Variants in ZNF804A observed in about 807,000 individuals in gnomAD.
The protein encoded by ZNF804A is zinc finger protein 804A.
In ZNF804A, 2 loss-of-function variants were observed where a neutral mutation model predicts 16.5. The ratio of observed to expected loss-of-function variants is 0.12; its 90% CI spans 0.05 to 0.38. The LOEUF is 0.38. ZNF804A is among the 10% of genes least tolerant of loss of function. The pLI, the probability that ZNF804A is intolerant of heterozygous loss-of-function variation, is 0.99. For synonymous variants in ZNF804A, 534 were observed against 489.6 expected (o/e 1.09, Z -1.20); for missense variants, 1,473 against 1,390.7 (o/e 1.06, Z -0.94).
At chr2:184,909,030 GAAATT>G (rs1156640805) in intron 2 of ZNF804A, among the ~76,000 whole-genome samples, 1 of 152,050 alleles carries the variant, frequency 6.6e-6, no homozygotes, top group Non-Finnish European at 1.5e-5. Flanking sequence ...TTCATAAGTT[GAAATT>G]TGTGTACAAT....
chr2:184,836,699 T>C (rs141701360), intron 1 of ZNF804A, among the ~76,000 whole-genome samples: 1 of 124,396 alleles, frequency 8.0e-6, no homozygotes, highest in Non-Finnish European at 1.9e-5. Flanking sequence ...ATATATATAT[T>C]TTTTTTTTAT....
chr2:184,644,091 T>A (rs989287257), intron 1 of ZNF804A, among the ~76,000 whole-genome samples: 23 of 151,682 alleles, frequency 1.5e-4, no homozygotes, highest in Admixed American at 3.9e-4. Context: ...TATTGAAGAG[T>A]GTAGGATGTG....
chr2:184,698,526 T>A (rs1269402353), intron 1 of ZNF804A, among the ~76,000 whole-genome samples: 6 of 152,256 alleles, frequency 3.9e-5, no homozygotes, highest in East Asian at 1.9e-4. Context: ...AACACTTAGA[T>A]GGTCTTTAAT....
At chr2:184,769,954 CT>C (rs751792383) in intron 1 of ZNF804A, among the ~76,000 whole-genome samples, 89 of 151,970 alleles carry the variant, frequency 5.9e-4, no homozygotes, top group Middle Eastern at 3.4e-3. Flanking sequence ...ATAATTTTTC[CT>C]TTGGATATAA....
chr2:184,903,092 A>G (rs2105828109), intron 2 of ZNF804A, among the ~76,000 whole-genome samples: 1 of 152,242 alleles, frequency 6.6e-6, no homozygotes, highest in Middle Eastern at 3.4e-3. Flanking sequence ...GTAACACAGT[A>G]GAAGGTTTGT....
chr2:184,730,618 A>G (rs1477451786), intron 1 of ZNF804A, among the ~76,000 whole-genome samples: 1 of 152,180 alleles, frequency 6.6e-6, no homozygotes, highest in Non-Finnish European at 1.5e-5. Context: ...TATAGTTTGA[A>G]GCACAGTATG....
At chr2:184,841,661 A>T (rs984308563) in intron 1 of ZNF804A, among the ~76,000 whole-genome samples, 2 of 152,202 alleles carry the variant, frequency 1.3e-5, no homozygotes, top group African/African-American at 4.8e-5. Flanking sequence ...AAATTAAAAG[A>T]TGGGATTAAG....
intron 1 of ZNF804A, among the ~76,000 whole-genome samples, chr2:184,825,433 T>A (rs1014268824): frequency 2.0e-5 from 3 of 152,290 alleles, no homozygotes; most frequent in South Asian, 2.1e-4. Flanking sequence ...TTTTGTTTTC[T>A]TATGCAATGT....
chr2:184,911,722 G>A (rs1399909728), intron 2 of ZNF804A, among the ~76,000 whole-genome samples: 1 of 151,008 alleles, frequency 6.6e-6, no homozygotes, highest in Non-Finnish European at 1.5e-5. Flanking sequence ...ATATTTTTGT[G>A]ACTATTGTAA....
intron 2 of ZNF804A, among the ~76,000 whole-genome samples, chr2:184,879,152 A>T (rs868551956): frequency 0.017 from 2,650 of 151,434 alleles, 86 homozygotes; most frequent in African/African-American, 0.062. Flanking sequence ...TGTGTGTGAG[A>T]GAGAGAGAGA....
intron 1 of ZNF804A, among the ~76,000 whole-genome samples, chr2:184,758,678 G>T (rs1445442823): frequency 2.0e-5 from 3 of 151,784 alleles, no homozygotes; most frequent in Non-Finnish European, 4.4e-5. Flanking sequence ...TTAAACAGTG[G>T]ATTTTACAGT....
At chr2:184,849,196 G>T (rs1192220012) in intron 1 of ZNF804A, among the ~76,000 whole-genome samples, 3 of 152,010 alleles carry the variant, frequency 2.0e-5, no homozygotes, top group African/African-American at 4.8e-5. Flanking sequence ...GTGGACCCAT[G>T]TGGTATTAAT....
At chr2:184,650,461 G>A (rs1011922432) in intron 1 of ZNF804A, among the ~76,000 whole-genome samples, 4 of 152,044 alleles carry the variant, frequency 2.6e-5, no homozygotes, top group African/African-American at 9.7e-5. Flanking sequence ...GCTAGCCAGA[G>A]CAATCAGACA....
intron 1 of ZNF804A, among the ~76,000 whole-genome samples, chr2:184,670,231 A>G (rs992033770): frequency 6.6e-6 from 1 of 152,024 alleles, no homozygotes; most frequent in African/African-American, 2.4e-5. Context: ...GTTATGTACT[A>G]TCAGCCCAAT....
At chr2:184,632,210 T>A (rs1691623263) in intron 1 of ZNF804A, among the ~76,000 whole-genome samples, 1 of 152,040 alleles carries the variant, frequency 6.6e-6, no homozygotes. Flanking sequence ...ACACTTTAAC[T>A]CAGTAATTTT....
chr2:184,774,011 T>G (rs1303641841), intron 1 of ZNF804A, among the ~76,000 whole-genome samples: 1 of 151,864 alleles, frequency 6.6e-6, no homozygotes, highest in African/African-American at 2.4e-5. Context: ...CAGTAAAAAT[T>G]AGAAAAATAC....
rs563030380 is a variant in ZNF804A, at chr2:184,782,030, A to G, written c.112-84339A>G. On this transcript the variant is annotated intron_variant, in intron 1 of 3. Transcript: ENST00000302277. The stretch of plus-strand genomic sequence containing the variant: ...TTCCCTCTGTATGTATCTGTGTTCT[A>G]ATCTCTTCTTTTATAAGGATATGAG... 5.3e-5 allele frequency among the ~76,000 whole-genome samples: 8 copies of G among 151,794 alleles called. No homozygotes were observed. The South Asian group carries it at 1.5e-3, about 28-fold the overall frequency.
intron 1 of ZNF804A, among the ~76,000 whole-genome samples, chr2:184,607,379 A>G (rs1691166323): frequency 6.6e-6 from 1 of 152,204 alleles, no homozygotes; most frequent in African/African-American, 2.4e-5. Flanking sequence ...GCCTCAGAAA[A>G]CTTACAATCA....
At chr2:184,763,272 T>G (rs13396662) in intron 1 of ZNF804A, among the ~76,000 whole-genome samples, 21,680 of 152,112 alleles carry the variant, frequency 0.14, 1,680 homozygotes, top group Middle Eastern at 0.24. Context: ...TGATGGGCCC[T>G]AATTCAATAT....
Sources: allele counts gnomAD v4.1 joint callset (sites outside exome capture counted in the v4.1 genomes callset), GRCh38; gene constraint gnomAD v4.1.1; transcripts MANE v1.5; gene names NCBI Gene and HGNC (gene_info 2026-07-23, HGNC 2026-07-21).